CPEB2: variants seen among roughly 807,000 people sequenced by gnomAD.
CPEB2 encodes cytoplasmic polyadenylation element binding protein 2.
In CPEB2, 56 loss-of-function variants were observed where a neutral mutation model predicts 93.6. The observed-to-expected ratio is 0.60, with a 90% CI of 0.48 to 0.75. The LOEUF (loss-of-function observed/expected upper bound fraction) is 0.75. CPEB2 is among the 30% of genes least tolerant of loss of function. The probability of loss-of-function intolerance (pLI) is 0.00; values close to 1 mark genes in which losing one functional copy is unlikely to be tolerated. For missense variants in CPEB2, 1,579 were observed against 1,395.1 expected (o/e 1.13, Z -2.10); for synonymous variants, 764 against 586.3 (o/e 1.30, Z -4.38).
At chr4:15,042,968 G>A (rs1358526281) in intron 6 of CPEB2, among the ~76,000 whole-genome samples, 1 of 152,098 alleles carries the variant, frequency 6.6e-6, no homozygotes, top group East Asian at 1.9e-4. Flanking sequence ...TTCTGTTCAT[G>A]TCGGATGTGT....
At position 15,062,218 on chromosome 4, in the gene CPEB2, T is replaced by TGCG. The variant is rs1326399802; in HGVS notation, c.2837_2838insGGC (p.Ala946dup). On this transcript the variant is annotated inframe_insertion, in exon 11 of 12. Coordinates refer to ENST00000538197, the MANE Select transcript of CPEB2 (RefSeq NM_001177382.2). ...AGCAGAGCTATATTGCTGCCATTAG[T>TGCG]GCTCGGTTTGTTCAGCTTCAGCATG... 2 of 1,612,578 alleles carry TGCG rather than the reference T, an allele frequency of 1.2e-6. No homozygotes were observed. Among genetic ancestry groups the TGCG allele is most frequent in the African/African-American group, 2.7e-5 (2 of 74,928 alleles).
chr4:15,004,634 G>T (rs1206938193), intron 1 of CPEB2, among the ~76,000 whole-genome samples: 2 of 151,902 alleles, frequency 1.3e-5, no homozygotes, highest in Non-Finnish European at 2.9e-5. Flanking sequence ...CAGCAGTGGG[G>T]ACTGGGGCAG....
At chr4:15,038,143 C>G (rs1378184437) in intron 5 of CPEB2, among the ~76,000 whole-genome samples, 1 of 152,156 alleles carries the variant, frequency 6.6e-6, no homozygotes, top group Non-Finnish European at 1.5e-5. Flanking sequence ...AGTAGAATAG[C>G]TCTTTACAGG....
chr4:15,036,229 A>AT (rs1257060660), intron 5 of CPEB2, among the ~76,000 whole-genome samples: 1 of 152,208 alleles, frequency 6.6e-6, no homozygotes, highest in Non-Finnish European at 1.5e-5. Context: ...CTGTAGAGAT[A>AT]TTTTTTAATT....
intron 10 of CPEB2, among the ~76,000 whole-genome samples, chr4:15,060,312 T>C (rs182893300): frequency 6.6e-6 from 1 of 151,460 alleles, no homozygotes; most frequent in Admixed American, 6.6e-5. Flanking sequence ...CATTGAAGAG[T>C]TTTTAAGCAA....
intron 3 of CPEB2, among the ~76,000 whole-genome samples, chr4:15,015,519 T>C (rs1303973461): frequency 6.6e-6 from 1 of 152,024 alleles, no homozygotes; most frequent in Non-Finnish European, 1.5e-5. Flanking sequence ...TCTGAACCCC[T>C]AGCTTTAAAA....
chr4:15,016,379 T>C (rs2643093), intron 3 of CPEB2, among the ~76,000 whole-genome samples: 20,377 of 151,980 alleles, frequency 0.13, 2,334 homozygotes, highest in South Asian at 0.32. Flanking sequence ...AGTAGAAATT[T>C]ATGGACATTA....
intron 4 of CPEB2, among the ~76,000 whole-genome samples, chr4:15,031,783 G>T (rs754350881): frequency 6.6e-6 from 1 of 152,074 alleles, no homozygotes; most frequent in Non-Finnish European, 1.5e-5. Context: ...TGTCAAAATT[G>T]GATTATTTTT....
chr4:15,024,626 G>A (rs7696643), intron 4 of CPEB2, among the ~76,000 whole-genome samples: 151,125 of 152,258 alleles, frequency 0.99, 75,010 homozygotes, highest in Middle Eastern at 1. Flanking sequence ...ATGTGCATAC[G>A]TACCTTCCTT....
chr4:15,048,247 C>A (rs545678692), intron 6 of CPEB2, among the ~76,000 whole-genome samples: 1 of 151,904 alleles, frequency 6.6e-6, no homozygotes, highest in African/African-American at 2.4e-5. Flanking sequence ...TTGTGAAGTG[C>A]TTCCTCTTTC....
chr4:15,046,407 G>A (rs1046270701), intron 6 of CPEB2, among the ~76,000 whole-genome samples: 1 of 152,260 alleles, frequency 6.6e-6, no homozygotes, highest in East Asian at 1.9e-4. Flanking sequence ...TATATTTTTA[G>A]TAGAGACGGG....
chr4:15,051,421 TC>T (rs1324849540), intron 6 of CPEB2, among the ~76,000 whole-genome samples: 1 of 152,210 alleles, frequency 6.6e-6, no homozygotes, highest in Non-Finnish European at 1.5e-5. Flanking sequence ...GTTCAATTTT[TC>T]CTACATTTTC....
At chr4:15,004,560 G>A (rs141656224) in intron 1 of CPEB2, among the ~76,000 whole-genome samples, 2 of 152,222 alleles carry the variant, frequency 1.3e-5, no homozygotes, top group East Asian at 1.9e-4. Flanking sequence ...GGCTGTGGGG[G>A]CGTGGGAGAC....
chr4:15,043,851 A>G (rs1022561860), intron 6 of CPEB2, among the ~76,000 whole-genome samples: 2 of 152,106 alleles, frequency 1.3e-5, no homozygotes, highest in African/African-American at 2.4e-5. Context: ...TTAAAGGGAG[A>G]CAAATGATGG....
Position 15,003,722 on chromosome 4 carries a change from C to CGGGCGGCGGCGGCGGCGGCGG in CPEB2, c.1056_1076dup (p.Gly354_Gly360dup). ...CTGCAGAGCCCGGACCTTCCACACC[C>CGGGCGGCGGCGGCGGCGGCGG]GGGCGGCGGCGGCGGCGGCGGGGGC... On this transcript the variant is annotated inframe_insertion, in exon 1 of 12. Transcript: ENST00000538197. 8.0e-7 allele frequency: 1 copy of CGGGCGGCGGCGGCGGCGGCGG among 1,253,246 alleles called. No individual in the cohort carries two copies. Among genetic ancestry groups the CGGGCGGCGGCGGCGGCGGCGG allele is most frequent in the Non-Finnish European group, 1.0e-6 (1 of 999,412 alleles). 77.6% of individuals were successfully genotyped at this position (1,253,246 alleles called of 1,614,324 possible). A position where few individuals can be genotyped will look rare whatever the true frequency, so the allele number is the denominator to read the frequency against.
Position 15,069,103 on chromosome 4 carries a change from CAA to C in CPEB2, c.*2726_*2727del, listed in dbSNP as rs1417757319. The C allele has an allele frequency of 6.6e-6, 1 of 151,428 alleles. No homozygotes were observed. The highest frequency in any genetic ancestry group is 6.6e-5 in the Admixed American group (1 of 15,124). 9.4% of individuals were successfully genotyped at this position (151,428 alleles called of 1,614,324 possible). On this transcript the variant is annotated 3_prime_UTR_variant, in exon 12 of 12. Coordinates refer to ENST00000538197, the MANE Select transcript of CPEB2 (RefSeq NM_001177382.2). ...TTCCCTAAATATTCATATTGCTGCC[CAA>C]AAGTATGACTGTGGAGGAAAAAAAA...
intron 4 of CPEB2, among the ~76,000 whole-genome samples, chr4:15,027,435 T>C (rs887100208): frequency 2.0e-5 from 3 of 152,220 alleles, no homozygotes. Context: ...TATGATCTTA[T>C]TCTTAGGCTT....
intron 6 of CPEB2, among the ~76,000 whole-genome samples, chr4:15,041,359 C>T (rs1203676609): frequency 6.6e-6 from 1 of 151,836 alleles, no homozygotes; most frequent in Non-Finnish European, 1.5e-5. Context: ...TAAAAATCTC[C>T]CTTAAGCCAT....
intron 5 of CPEB2, among the ~76,000 whole-genome samples, chr4:15,039,227 T>C (rs1372461325): frequency 6.6e-6 from 1 of 152,176 alleles, no homozygotes; most frequent in East Asian, 1.9e-4. Context: ...AGTGATTGAC[T>C]TTTTTCTTAG....
Sources: allele counts gnomAD v4.1 joint callset (sites outside exome capture counted in the v4.1 genomes callset), GRCh38; gene constraint gnomAD v4.1.1; transcripts MANE v1.5; gene names NCBI Gene and HGNC (gene_info 2026-07-23, HGNC 2026-07-21).